RTN4: variants seen among roughly 807,000 people sequenced by gnomAD.
RTN4 encodes the protein reticulon 4.
In RTN4, 32 loss-of-function variants were observed where a neutral mutation model predicts 90.4. The observed-to-expected ratio is 0.35, with a 90% CI of 0.27 to 0.48. The LOEUF is 0.48. Ranked by LOEUF, RTN4 falls within the 20% of genes least tolerant of loss-of-function variation. The pLI, the probability that RTN4 is intolerant of heterozygous loss-of-function variation, is 0.99. For missense variants in RTN4, 1,706 were observed against 1,430.2 expected (o/e 1.19, Z -3.11); for synonymous variants, 629 against 552.5 (o/e 1.14, Z -1.94).
At chr2:55,041,251 T>C (rs952262060) in intron 1 of RTN4, among the ~76,000 whole-genome samples, 9 of 152,118 alleles carry the variant, frequency 5.9e-5, no homozygotes, top group African/African-American at 2.2e-4. Flanking sequence ...CTAAATTTTT[T>C]TTAAATACAT....
At chr2:55,055,998 G>A (rs1668184252) in intron 2 of RTN4, among the ~76,000 whole-genome samples, 2 of 151,650 alleles carry the variant, frequency 1.3e-5, no homozygotes, top group Non-Finnish European at 2.9e-5. Flanking sequence ...GTGTGTGTGT[G>A]TGTGTGTATA....
intron 1 of RTN4, among the ~76,000 whole-genome samples, chr2:55,101,808 T>C (rs1011944661): frequency 1.4e-4 from 21 of 152,138 alleles, no homozygotes; most frequent in African/African-American, 5.1e-4. Flanking sequence ...ATTAATTTTG[T>C]ATGTTAAAGT....
At chr2:55,053,212 A>C (rs1367034135), upstream of RTN4, among the ~76,000 whole-genome samples, 1 of 152,222 alleles carries the variant, frequency 6.6e-6, no homozygotes, top group Non-Finnish European at 1.5e-5. Flanking sequence ...GCAAAAAGAA[A>C]GGAGGCTGTT....
At chr2:55,056,115 A>G (rs1668186369) in intron 2 of RTN4, among the ~76,000 whole-genome samples, 1 of 152,092 alleles carries the variant, frequency 6.6e-6, no homozygotes, top group African/African-American at 2.4e-5. Flanking sequence ...TATTAAAATG[A>G]AAACTCCAAA....
At chr2:55,011,596 A>G (rs1680645937) in intron 3 of RTN4, among the ~76,000 whole-genome samples, 1 of 152,188 alleles carries the variant, frequency 6.6e-6, no homozygotes. Flanking sequence ...TGAAATAGAG[A>G]TAATATTTTC....
At chr2:55,003,664 T>C (rs1343854316) in intron 3 of RTN4, among the ~76,000 whole-genome samples, 1 of 152,202 alleles carries the variant, frequency 6.6e-6, no homozygotes, top group Non-Finnish European at 1.5e-5. Flanking sequence ...GTCTGCAGGT[T>C]CCACATCTGC....
In RTN4 at chr2:54,973,633, G is replaced by T. The variant is rs779987051; in HGVS notation, c.3478-12C>A. The T allele has an allele frequency of 6.2e-7, 1 of 1,602,620 alleles. No homozygotes were observed. Among genetic ancestry groups the T allele is most frequent in the Non-Finnish European group, 8.5e-7 (1 of 1,169,696 alleles). Reference sequence around the variant, plus strand: ...TGATCTATCTGTGCCTGAAAGAGAGGTATAAAGGAATTATTACCGTTGCTA... The same window carrying T: ...TGATCTATCTGTGCCTGAAAGAGAGTTATAAAGGAATTATTACCGTTGCTA... On this transcript the variant is annotated splice_polypyrimidine_tract_variant and intron_variant, in intron 7 of 8. Transcript: ENST00000337526.
At chr2:54,977,538 T>C (rs1677737864) in intron 5 of RTN4, among the ~76,000 whole-genome samples, 1 of 152,004 alleles carries the variant, frequency 6.6e-6, no homozygotes, top group African/African-American at 2.4e-5. Context: ...AAAGTAAAAT[T>C]ATTAGACAGC....
At chr2:55,040,034 T>C (rs1328232493) in intron 1 of RTN4, among the ~76,000 whole-genome samples, 2 of 152,180 alleles carry the variant, frequency 1.3e-5, no homozygotes, top group African/African-American at 2.4e-5. Flanking sequence ...TAGGTGGCAG[T>C]TTCTCAGTCC....
chr2:54,988,683 T>C (rs1279151741), intron 3 of RTN4, among the ~76,000 whole-genome samples: 1 of 151,966 alleles, frequency 6.6e-6, no homozygotes. Flanking sequence ...CTTCTAAGAG[T>C]TGATAGATAT....
At chr2:55,020,071 A>G (rs1681314656) in intron 3 of RTN4, among the ~76,000 whole-genome samples, 1 of 152,218 alleles carries the variant, frequency 6.6e-6, no homozygotes, top group Non-Finnish European at 1.5e-5. Flanking sequence ...ATGCAAAGAA[A>G]GACATTCCAT....
chr2:54,987,606 T>C lies in RTN4; in HGVS notation c.3106A>G (p.Ile1036Val). The part of the protein sequence containing the change: ...FLLLSLTVFS[I>V]VSVTAYIALA... ...GCAATGTAGGCTGTTACGCTCACAA[T>C]GCTGAATACTGTCAATGAAAGCAGC... The change falls in exon 4 of 9, where the codon ATT becomes GTT. Residue 1036 changes from isoleucine (I) to valine (V), a missense_variant. Transcript: ENST00000337526. 6.2e-7 allele frequency: 1 copy of C among 1,614,156 alleles called. No individual in the cohort carries two copies. Among genetic ancestry groups the C allele is most frequent in the Non-Finnish European group, 8.5e-7 (1 of 1,179,992 alleles).
intron 5 of RTN4, among the ~76,000 whole-genome samples, chr2:54,975,214 A>G (rs113010022): frequency 7.9e-5 from 12 of 152,250 alleles, no homozygotes; most frequent in African/African-American, 2.7e-4. Flanking sequence ...GGCAAAGAGT[A>G]CTTATCAGGG....
chr2:54,985,467 C>T (rs1678485560), intron 4 of RTN4, among the ~76,000 whole-genome samples: 1 of 152,068 alleles, frequency 6.6e-6, no homozygotes, highest in African/African-American at 2.4e-5. Flanking sequence ...GCTGGCTCTG[C>T]CATTTTCAAA....
At chr2:55,009,756 A>G (rs1253952575) in intron 3 of RTN4, among the ~76,000 whole-genome samples, 2 of 152,224 alleles carry the variant, frequency 1.3e-5, no homozygotes, top group Non-Finnish European at 2.9e-5. Flanking sequence ...TGTGAAACAC[A>G]AAAACAGCAA....
At chr2:55,038,036 A>C (rs1360246591) in intron 1 of RTN4, among the ~76,000 whole-genome samples, 1 of 152,178 alleles carries the variant, frequency 6.6e-6, no homozygotes, top group Non-Finnish European at 1.5e-5. Context: ...AAAGAGAAAA[A>C]TATTTTCAAA....
rs1006190210 is a variant in RTN4, at chr2:55,102,935, G to A, written c.-214+9585C>T. On this transcript the variant is annotated intron_variant, in intron 1 of 3. Coordinates refer to the RTN4 transcript ENST00000427710. Reference sequence around the variant, plus strand: ...GGAGTTTGAGACCAGCCTGACCAATGTGGAGAAACCCCGTCTCTACTAAAA... The same window carrying A: ...GGAGTTTGAGACCAGCCTGACCAATATGGAGAAACCCCGTCTCTACTAAAA... Among the ~76,000 whole-genome samples the A allele has an allele frequency of 1.3e-4, 19 of 151,810 alleles. 1 individual carries two copies. Among genetic ancestry groups the A allele is most frequent in the African/African-American group, 3.4e-4 (14 of 41,276 alleles).
intron 1 of RTN4, among the ~76,000 whole-genome samples, chr2:55,036,922 G>C (rs910857835): frequency 3.3e-5 from 5 of 152,132 alleles, no homozygotes; most frequent in Non-Finnish European, 7.4e-5. Flanking sequence ...TTCTCGTAAA[G>C]ATCTGAAGAG....
At chr2:55,051,483 G>A (rs1668088444), upstream of RTN4, among the ~76,000 whole-genome samples, 1 of 152,204 alleles carries the variant, frequency 6.6e-6, no homozygotes, top group South Asian at 2.1e-4. Flanking sequence ...TATGAGGCTG[G>A]AGAGTTTAAA....
Sources: gnomAD v4.1 joint callset for allele counts (sites outside exome capture counted in the v4.1 genomes callset) on GRCh38, gnomAD v4.1.1 for gene constraint, MANE v1.5 for transcripts, NCBI Gene and HGNC (gene_info 2026-07-23, HGNC 2026-07-21) for gene names.